DIAPH2: variants seen among roughly 807,000 people sequenced by gnomAD.
The protein encoded by DIAPH2 is protein diaphanous homolog 2.
DIAPH2 carries 35 observed loss-of-function variants against 92.7 expected under a neutral mutation model. That is an observed-to-expected ratio of 0.38 (90% CI 0.29 to 0.50). The LOEUF is 0.50. Among genes scored for constraint, DIAPH2 ranks in the 20% least tolerant of loss-of-function variants. The probability of loss-of-function intolerance (pLI) is 0.94; values close to 1 mark genes in which losing one functional copy is unlikely to be tolerated. For missense variants in DIAPH2, 701 were observed against 819.5 expected (o/e 0.86, Z 1.77); for synonymous variants, 301 against 280.4 (o/e 1.07, Z -0.73).
At chrX:97,111,875 C>A (rs2147375789) in intron 20 of DIAPH2, among the ~76,000 whole-genome samples, 1 of 112,119 alleles carries the variant, frequency 8.9e-6, no homozygotes, top group African/African-American at 3.2e-5. Context: ...TTTCACTTTT[C>A]TCATCTTTGG....
chrX:97,032,072 C>T (rs1203863059), intron 17 of DIAPH2, among the ~76,000 whole-genome samples: 1 of 111,491 alleles, frequency 9.0e-6, no homozygotes, highest in Admixed American at 9.5e-5. Flanking sequence ...CACTAATGGC[C>T]TAGCTTGCAG....
At chrX:96,960,878 C>G (rs751437095) in intron 16 of DIAPH2, among the ~76,000 whole-genome samples, 6 of 111,816 alleles carry the variant, frequency 5.4e-5, no homozygotes, top group Non-Finnish European at 9.4e-5. Context: ...ATTTTTCATT[C>G]TTTTGCTGTG....
At chrX:97,185,329 A>ATATATATATATGTATATATATATG (rs1555998036) in intron 22 of DIAPH2, among the ~76,000 whole-genome samples, 1,113 of 9,400 alleles carry the variant, frequency 0.12, 286 homozygotes, top group South Asian at 0.22. Flanking sequence ...ATATATGTGT[A>ATATATATATATGTATATATATATG]TATATATATA....
chrX:96,962,274 C>CATATATATACATATATATATATACACAT lies in DIAPH2; in HGVS notation c.1936-2810_1936-2809insCATATATATATATACACATATATATATA, dbSNP rs1569436354. ...AGTGATGCCTTTCTATATATATATA[C>CATATATATACATATATATATATACACAT]ATATATATATACATATATATATATA... On this transcript the variant is annotated intron_variant, in intron 16 of 26. Coordinates refer to ENST00000324765, the MANE Select transcript of DIAPH2 (RefSeq NM_006729.5). Among the ~76,000 whole-genome samples, 59 of 72,020 alleles carry CATATATATACATATATATATATACACAT rather than the reference C, an allele frequency of 8.2e-4. 1 individual carries two copies. The highest frequency in any genetic ancestry group is 3.2e-3 in the African/African-American group (59 of 18,551). The allele number at this position is 72,020 out of a possible 115,157, so 62.5% of individuals were successfully genotyped here.
At chrX:96,953,307 C>T (rs182229998) in intron 15 of DIAPH2, among the ~76,000 whole-genome samples, 2 of 111,520 alleles carry the variant, frequency 1.8e-5, no homozygotes, top group African/African-American at 3.3e-5. Context: ...GACATTTGTA[C>T]AAACTACTAC....
At chrX:97,108,096 A>G (rs1357944577) in intron 20 of DIAPH2, among the ~76,000 whole-genome samples, 1 of 110,430 alleles carries the variant, frequency 9.1e-6, no homozygotes, top group Non-Finnish European at 1.9e-5. Flanking sequence ...AAATTATATA[A>G]ACAAAACTGT....
intron 22 of DIAPH2, among the ~76,000 whole-genome samples, chrX:97,236,135 C>G (rs1373739000): frequency 5.4e-5 from 6 of 111,672 alleles, no homozygotes; most frequent in Non-Finnish European, 7.5e-5. Context: ...CAGCACTGAT[C>G]TCAACAACCT....
Position 97,232,424 on chromosome X carries a change from G to A in DIAPH2, c.2720-15291G>A, listed in dbSNP as rs139452899. ...TAATTTTTGTATTTTTAGTAGCGAC[G>A]GGATTTCACCATGTTGGCCAGGCTG... is the stretch of plus-strand genomic sequence containing the variant. On this transcript the variant is annotated intron_variant, in intron 22 of 26. Transcript: ENST00000324765. 6.7e-3 allele frequency among the ~76,000 whole-genome samples: 746 copies of A among 111,128 alleles called. 9 individuals are homozygous for A. The highest frequency in any genetic ancestry group is 0.023 in the African/African-American group (711 of 30,564).
chrX:96,862,362 G>C (rs1052377841), intron 4 of DIAPH2, among the ~76,000 whole-genome samples: 3 of 111,854 alleles, frequency 2.7e-5, no homozygotes, highest in East Asian at 5.6e-4. Context: ...GTAATGATTG[G>C]AAATGAATGA....
At chrX:96,825,282 T>C (rs1343000802) in intron 4 of DIAPH2, among the ~76,000 whole-genome samples, 1 of 109,576 alleles carries the variant, frequency 9.1e-6, no homozygotes, top group Non-Finnish European at 1.9e-5. Flanking sequence ...AATACTTCCT[T>C]AATCAGATAA....
chrX:97,097,560 A>T (rs749664392), intron 19 of DIAPH2, among the ~76,000 whole-genome samples: 1 of 112,447 alleles, frequency 8.9e-6, no homozygotes, highest in South Asian at 3.7e-4. Flanking sequence ...CAAAAGTTTC[A>T]CATTCCAAGC....
intron 17 of DIAPH2, among the ~76,000 whole-genome samples, chrX:97,029,213 C>A (rs1414236678): frequency 9.4e-6 from 1 of 106,086 alleles, no homozygotes; most frequent in Admixed American, 1.0e-4. Flanking sequence ...AGTGGCACAA[C>A]CTTGGCTCAC....
chrX:97,452,736 C>T (rs142213282), intron 26 of DIAPH2, among the ~76,000 whole-genome samples: 3,083 of 112,137 alleles, frequency 0.027, 35 homozygotes, highest in Middle Eastern at 0.041. Flanking sequence ...ATACAATGGA[C>T]GTAGGCTTCT....
chrX:96,780,585 G>A (rs191393070), intron 4 of DIAPH2, among the ~76,000 whole-genome samples: 1,936 of 107,922 alleles, frequency 0.018, 24 homozygotes, highest in Middle Eastern at 0.028. Context: ...GGGTTCAAGC[G>A]ATTCTCCTGC....
In DIAPH2 at chrX:96,804,188, T is replaced by C. The variant is rs1454093932; in HGVS notation, c.447+45930T>C. Among the ~76,000 whole-genome samples the C allele has an allele frequency of 8.9e-5, 10 of 111,970 alleles. No individual in the cohort carries two copies. In the Admixed American group the frequency reaches 9.5e-4, roughly 11 times the overall value. On this transcript the variant is annotated intron_variant, in intron 4 of 26. Coordinates refer to ENST00000324765, the MANE Select transcript of DIAPH2 (RefSeq NM_006729.5). Reference sequence around the variant, plus strand: ...AAATTTGCCTGGCATCTTGAGTTCATATTATCAGCCTTATTTGGATGCTCC... The same window carrying C: ...AAATTTGCCTGGCATCTTGAGTTCACATTATCAGCCTTATTTGGATGCTCC...
chrX:96,944,171 A>G (rs1056342967), intron 13 of DIAPH2, among the ~76,000 whole-genome samples: 19 of 111,675 alleles, frequency 1.7e-4, no homozygotes, highest in Admixed American at 1.9e-4. Flanking sequence ...TTTGAGTCTG[A>G]TATCTTTCAT....
intron 23 of DIAPH2, among the ~76,000 whole-genome samples, chrX:97,286,519 A>C (rs1439123555): frequency 2.7e-5 from 3 of 111,323 alleles, no homozygotes; most frequent in Non-Finnish European, 5.6e-5. Flanking sequence ...CAATTCCCTT[A>C]ATGTGGGTAA....
chrX:97,436,829 C>T (rs1391381720), intron 26 of DIAPH2, among the ~76,000 whole-genome samples: 1 of 111,845 alleles, frequency 8.9e-6, no homozygotes, highest in South Asian at 3.8e-4. Flanking sequence ...TCTGTAGCAG[C>T]AGGGACTCAT....
intron 26 of DIAPH2, among the ~76,000 whole-genome samples, chrX:97,453,745 G>A (rs1398090924): frequency 2.7e-5 from 3 of 111,795 alleles, no homozygotes; most frequent in Non-Finnish European, 5.6e-5. Flanking sequence ...AGTACATGGT[G>A]GCTTGGGAAC....
Sources: allele counts gnomAD v4.1 joint callset (sites outside exome capture counted in the v4.1 genomes callset), GRCh38; gene constraint gnomAD v4.1.1; transcripts MANE v1.5; gene names NCBI Gene and HGNC (gene_info 2026-07-23, HGNC 2026-07-21).